Variants in DLC1 observed in about 807,000 individuals in gnomAD.
DLC1 encodes the protein rho GTPase-activating protein 7.
DLC1 carries 54 observed loss-of-function variants against 140.3 expected under a neutral mutation model. The observed-to-expected ratio is 0.38, with a 90% confidence interval of 0.31 to 0.48. DLC1 has a LOEUF of 0.48. Among genes scored for constraint, DLC1 ranks in the 20% least tolerant of loss-of-function variants. DLC1 has a pLI of 0.96. For missense variants in DLC1, 2,536 were observed against 1,907.0 expected, an observed-to-expected ratio of 1.33 and a Z score of -6.14; for synonymous variants, 986 against 728.1, an observed-to-expected ratio of 1.35 and a Z score of -5.70.
chr8:13,356,020 G>A (rs1385849556), intron 4 of DLC1, among the ~76,000 whole-genome samples: 3 of 149,718 alleles, frequency 2.0e-5, no homozygotes, highest in African/African-American at 7.4e-5. Context: ...AACTCAGGAG[G>A]CGGAGGTTGC....
intron 2 of DLC1, among the ~76,000 whole-genome samples, chr8:13,403,729 C>G (rs543391828): frequency 6.6e-6 from 1 of 150,834 alleles, no homozygotes; most frequent in South Asian, 2.1e-4. Context: ...CAGCCTGGAT[C>G]TCTCGGGATC....
chr8:13,448,943 G>A (rs1406526869), intron 2 of DLC1, among the ~76,000 whole-genome samples: 1 of 152,116 alleles, frequency 6.6e-6, no homozygotes, highest in East Asian at 1.9e-4. Context: ...TGGAGCATCT[G>A]TTCTTTCCCG....
chr8:13,142,146 C>G lies in DLC1; in HGVS notation c.1349-26489G>C, dbSNP rs1279318247. Reference sequence around the variant, plus strand: ...AAGTTACTTGCTTCTGCTTCAGCTTCCGCCATGATTGTAAGTTTCCTGAGC... The same window carrying G: ...AAGTTACTTGCTTCTGCTTCAGCTTGCGCCATGATTGTAAGTTTCCTGAGC... On this transcript the variant is annotated intron_variant, in intron 5 of 17. Transcript: ENST00000276297. Among the ~76,000 whole-genome samples, 4 of 152,224 alleles carry G rather than the reference C, an allele frequency of 2.6e-5. No individual in the cohort carries two copies. In the East Asian group the frequency reaches 7.7e-4, roughly 29 times the overall value.
chr8:13,317,713 G>A (rs975188089), intron 4 of DLC1, among the ~76,000 whole-genome samples: 17 of 152,062 alleles, frequency 1.1e-4, no homozygotes, highest in Middle Eastern at 3.2e-3. Flanking sequence ...AAGTATAGAA[G>A]GAAAGGGAGA....
At chr8:13,418,782 G>T (rs289595) in intron 2 of DLC1, among the ~76,000 whole-genome samples, 147,614 of 152,192 alleles carry the variant, frequency 0.97, 71,741 homozygotes, top group East Asian at 1. Context: ...GGGATGGCAT[G>T]GAATCTATAA....
At chr8:13,278,936 G>T (rs77491704) in intron 5 of DLC1, among the ~76,000 whole-genome samples, 6,627 of 152,216 alleles carry the variant, frequency 0.044, 179 homozygotes, top group South Asian at 0.077. Flanking sequence ...AATTCGAAAA[G>T]CTTACATAGT....
intron 1 of DLC1, among the ~76,000 whole-genome samples, chr8:13,597,725 A>C (rs1340072435): frequency 6.6e-6 from 1 of 152,116 alleles, no homozygotes; most frequent in African/African-American, 2.4e-5. Context: ...TATTTAATGA[A>C]GATGTTTTAA....
At chr8:13,514,553 C>T (rs1319862058) in intron 1 of DLC1, 49 bp downstream of exon 1, 1 of 398,464 alleles carries the variant, frequency 2.5e-6, no homozygotes. Flanking sequence ...AATCTTTCTG[C>T]CTCTTCAAAG....
intron 4 of DLC1, among the ~76,000 whole-genome samples, chr8:13,312,773 G>A (rs1281953223): frequency 6.6e-6 from 1 of 151,918 alleles, no homozygotes; most frequent in Non-Finnish European, 1.5e-5. Context: ...ATGATGATTT[G>A]CCTGTGGTAG....
chr8:13,169,400 ATAAT>A (rs1825309948), intron 5 of DLC1, among the ~76,000 whole-genome samples: 1 of 152,248 alleles, frequency 6.6e-6, no homozygotes, highest in South Asian at 2.1e-4. Context: ...AAATGGGGAA[ATAAT>A]TCCTATCTTG....
Position 13,195,800 on chromosome 8 carries a change from G to A in DLC1, c.1349-80143C>T, listed in dbSNP as rs576618221. On this transcript the variant is annotated intron_variant, in intron 5 of 17. Coordinates refer to ENST00000276297, the MANE Select transcript of DLC1 (RefSeq NM_182643.3). ...TTGATGGCCATGTGGCAGGAACATC[G>A]TGGTTGACCTATAGCAGCACTATCC... 3.3e-5 allele frequency among the ~76,000 whole-genome samples: 5 copies of A among 152,210 alleles called. No individual in the cohort carries two copies. The South Asian group carries it at 1.0e-3, about 32-fold the overall frequency.
intron 4 of DLC1, among the ~76,000 whole-genome samples, chr8:13,386,577 T>A (rs1775480043): frequency 6.6e-6 from 1 of 152,100 alleles, no homozygotes; most frequent in Non-Finnish European, 1.5e-5. Context: ...CGTCAGTATC[T>A]GAAAACAACA....
chr8:13,210,890 G>A (rs554565814), intron 5 of DLC1, among the ~76,000 whole-genome samples: 1 of 152,264 alleles, frequency 6.6e-6, no homozygotes, highest in African/African-American at 2.4e-5. Context: ...TAATCTATTA[G>A]TTTTAAATCA....
chr8:13,097,543 CATGAGCCACCACA>C (rs748907000), intron 10 of DLC1, among the ~76,000 whole-genome samples: 189 of 152,176 alleles, frequency 1.2e-3, no homozygotes, highest in Non-Finnish European at 2.4e-3. Context: ...GGATTACAGG[CATGAGCCACCACA>C]CCCGCCCCAA....
intron 5 of DLC1, among the ~76,000 whole-genome samples, chr8:13,229,952 A>AAAT (rs1828967937): frequency 6.6e-6 from 1 of 152,224 alleles, no homozygotes; most frequent in Non-Finnish European, 1.5e-5. Context: ...TGATGTTGTC[A>AAAT]GACTACTAAC....
At chr8:13,479,632 A>T (rs550919389) in intron 2 of DLC1, among the ~76,000 whole-genome samples, 1 of 152,010 alleles carries the variant, frequency 6.6e-6, no homozygotes, top group South Asian at 2.1e-4. Flanking sequence ...TATCTTGACT[A>T]TCTAGAGAAT....
In DLC1 at chr8:13,369,354, CG is replaced by C. The variant is rs1231257293; in HGVS notation, c.1314+24198del. Reference sequence around the variant, plus strand: ...GCACGTCCAGTATTTTTGGCTGGGTCGAAAAAAAAAAAAAAAAAAGATTACA... The same window carrying C: ...GCACGTCCAGTATTTTTGGCTGGGTCAAAAAAAAAAAAAAAAAAGATTACA... On this transcript the variant is annotated intron_variant, in intron 4 of 17. Coordinates refer to ENST00000276297, the MANE Select transcript of DLC1 (RefSeq NM_182643.3). Among the ~76,000 whole-genome samples, 69 of 128,074 alleles carry C rather than the reference CG, an allele frequency of 5.4e-4. 7 individuals carry two copies. The highest frequency in any genetic ancestry group is 9.3e-4 in the African/African-American group (32 of 34,376). 84.0% of individuals were successfully genotyped at this position (128,074 alleles called of 152,430 possible).
intron 5 of DLC1, among the ~76,000 whole-genome samples, chr8:13,247,322 C>G (rs977774655): frequency 6.6e-6 from 1 of 152,102 alleles, no homozygotes; most frequent in Admixed American, 6.6e-5. Flanking sequence ...CTAGTACAGC[C>G]AACACTTTGC....
At position 13,427,191 on chromosome 8, in the gene DLC1, C is replaced by T. The variant is rs916928557; in HGVS notation, c.1024-25572G>A. Among the ~76,000 whole-genome samples, 10 of 152,180 alleles carry T rather than the reference C, an allele frequency of 6.6e-5. 1 individual carries two copies. Among genetic ancestry groups the T allele is most frequent in the Admixed American group, 6.5e-4 (10 of 15,268 alleles). ...TCCATGCCCCACTGTACGGTTAATG[C>T]CCCAGCTTTGCAGTTGTTTTCCCAA... On this transcript the variant is annotated intron_variant, in intron 2 of 17. Transcript: ENST00000276297.
Sources: allele counts gnomAD v4.1 joint callset (sites outside exome capture counted in the v4.1 genomes callset), GRCh38; gene constraint gnomAD v4.1.1; transcripts MANE v1.5; gene names NCBI Gene and HGNC (gene_info 2026-07-23, HGNC 2026-07-21).